Variants in LYN observed in about 807,000 individuals in gnomAD.
The protein encoded by LYN is LYN proto-oncogene, Src family tyrosine kinase.
A neutral mutation model predicts 65.0 loss-of-function variants in LYN; 12 were observed. That is an observed-to-expected ratio of 0.18 (90% CI 0.12 to 0.30). The LOEUF (loss-of-function observed/expected upper bound fraction) is 0.30, where lower values mean the gene tolerates loss of function less well. Ranked by LOEUF, LYN falls within the 10% of genes least tolerant of loss-of-function variation. LYN has a pLI of 1.00. For synonymous variants in LYN, 222 were observed against 221.2 expected, an observed-to-expected ratio of 1.00 and a Z score of -0.03; for missense variants, 380 against 623.2, an observed-to-expected ratio of 0.61 and a Z score of 4.16.
At chr8:55,905,033 C>G (rs959946973) in intron 1 of LYN, among the ~76,000 whole-genome samples, 37 of 152,066 alleles carry the variant, frequency 2.4e-4, no homozygotes, top group Admixed American at 1.2e-3. Context: ...TTTAGAGTTC[C>G]CCAGGTGATT....
At chr8:55,997,999 G>A (rs1808422947) in intron 10 of LYN, among the ~76,000 whole-genome samples, 1 of 152,172 alleles carries the variant, frequency 6.6e-6, no homozygotes, top group African/African-American at 2.4e-5. Flanking sequence ...CAGGAGAATG[G>A]TGTGAACCCA....
At chr8:55,884,583 G>A (rs1389470965) in intron 1 of LYN, among the ~76,000 whole-genome samples, 2 of 151,958 alleles carry the variant, frequency 1.3e-5, no homozygotes, top group East Asian at 3.9e-4. Context: ...AGCCTCCCTA[G>A]TAGCTGTGAT....
At chr8:55,880,158 AG>A in intron 1 of LYN, 55 bp downstream of exon 1, 2 of 198,634 alleles carry the variant, frequency 1.0e-5, no homozygotes, top group South Asian at 5.8e-5. Context: ...CAGTGGGTGC[AG>A]GGGCCGCGGC....
intron 1 of LYN, among the ~76,000 whole-genome samples, chr8:55,886,336 T>C (rs1804793259): frequency 6.6e-6 from 1 of 150,496 alleles, no homozygotes; most frequent in Non-Finnish European, 1.5e-5. Flanking sequence ...TCCTCCCAGG[T>C]TCAAGCGATT....
chr8:55,880,954 T>C (rs1175430107), intron 1 of LYN, among the ~76,000 whole-genome samples: 1 of 152,212 alleles, frequency 6.6e-6, no homozygotes, highest in African/African-American at 2.4e-5. Context: ...CCGAGTGTGT[T>C]AATTATCCCA....
chr8:55,888,508 G>A (rs886538180), intron 1 of LYN, among the ~76,000 whole-genome samples: 3 of 152,238 alleles, frequency 2.0e-5, no homozygotes, highest in Non-Finnish European at 4.4e-5. Flanking sequence ...ATAGCCAAGA[G>A]CGAAGACACG....
At chr8:55,986,435 GA>G (rs1199028293) in intron 10 of LYN, among the ~76,000 whole-genome samples, 2 of 152,186 alleles carry the variant, frequency 1.3e-5, no homozygotes, top group Non-Finnish European at 2.9e-5. Flanking sequence ...GTTTTTGCAA[GA>G]GAAAGTAAAT....
chr8:55,966,174 G>C (rs578139025), intron 8 of LYN, among the ~76,000 whole-genome samples: 1 of 151,782 alleles, frequency 6.6e-6, no homozygotes, highest in Non-Finnish European at 1.5e-5. Context: ...CAATAAAAAC[G>C]TTTTTTTGCT....
chr8:55,984,285 C>G (rs1808012580), intron 10 of LYN, among the ~76,000 whole-genome samples: 1 of 152,192 alleles, frequency 6.6e-6, no homozygotes, highest in African/African-American at 2.4e-5. Flanking sequence ...TAGACTCCGG[C>G]CACTCCGAAG....
intron 2 of LYN, among the ~76,000 whole-genome samples, 153 bp from the exon 3 acceptor site, chr8:55,946,295 T>C (rs767437628): frequency 2.0e-5 from 3 of 152,244 alleles, no homozygotes; most frequent in Non-Finnish European, 4.4e-5. Flanking sequence ...GATGCACCTC[T>C]ACAGGTTTTT....
chr8:55,907,721 C>T (rs1002264932), intron 1 of LYN, among the ~76,000 whole-genome samples: 1 of 152,000 alleles, frequency 6.6e-6, no homozygotes, highest in Non-Finnish European at 1.5e-5. Context: ...AAAAAATTAA[C>T]AGGACGTGGT....
At chr8:55,901,370 T>G (rs980177831) in intron 1 of LYN, among the ~76,000 whole-genome samples, 1 of 152,222 alleles carries the variant, frequency 6.6e-6, no homozygotes, top group South Asian at 2.1e-4. Flanking sequence ...ATGAAGTCAG[T>G]GTAAGTGATG....
chr8:56,011,478 G>GCT lies in LYN; in HGVS notation c.*1369_*1370dup, dbSNP rs1429766835. 3.5e-5 allele frequency: 7 copies of GCT among 201,874 alleles called. No individual in the cohort carries two copies. The highest frequency in any genetic ancestry group is 6.1e-5 in the Non-Finnish European group (6 of 98,324). 12.5% of individuals were successfully genotyped at this position (201,874 alleles called of 1,614,324 possible). On this transcript the variant is annotated 3_prime_UTR_variant, in exon 13 of 13. Transcript: ENST00000519728. ...GGGTGGTTAGAAGTGATTCAACAGA[G>GCT]CTACATGCTTTAAACTTGCCCAAGT...
intron 1 of LYN, among the ~76,000 whole-genome samples, chr8:55,912,554 C>T (rs148251602): frequency 0.038 from 5,757 of 152,022 alleles, 116 homozygotes; most frequent in African/African-American, 0.055. Flanking sequence ...GGCGAAACCC[C>T]GTAGCTACTA....
chr8:55,999,801 G>A (rs554597077), intron 12 of LYN, among the ~76,000 whole-genome samples: 3 of 152,054 alleles, frequency 2.0e-5, no homozygotes, highest in Admixed American at 6.5e-5. Context: ...GAGAAACCCC[G>A]TCTCTACTAA....
intron 10 of LYN, among the ~76,000 whole-genome samples, chr8:55,971,591 T>C (rs1807611170): frequency 6.6e-6 from 1 of 152,252 alleles, no homozygotes; most frequent in Admixed American, 6.5e-5. Flanking sequence ...GGGTCTGATC[T>C]GTACCCACAG....
chr8:55,919,378 A>G (rs1013723966), intron 1 of LYN, among the ~76,000 whole-genome samples: 1 of 152,192 alleles, frequency 6.6e-6, no homozygotes, highest in Non-Finnish European at 1.5e-5. Context: ...AGAATGAGGA[A>G]CATAAATATG....
chr8:55,906,918 T>G (rs1157087450), intron 1 of LYN, among the ~76,000 whole-genome samples: 9 of 152,164 alleles, frequency 5.9e-5, no homozygotes, highest in Non-Finnish European at 1.3e-4. Flanking sequence ...CATGAATGCT[T>G]GCTCAGTGAG....
intron 1 of LYN, among the ~76,000 whole-genome samples, chr8:55,932,405 T>C (rs1806297234): frequency 8.1e-6 from 1 of 122,848 alleles, no homozygotes; most frequent in African/African-American, 3.3e-5. Flanking sequence ...AACAATTATA[T>C]ATATATTTTT....
Sources: gnomAD v4.1 joint callset for allele counts (sites outside exome capture counted in the v4.1 genomes callset) on GRCh38, gnomAD v4.1.1 for gene constraint, MANE v1.5 for transcripts, NCBI Gene and HGNC (gene_info 2026-07-23, HGNC 2026-07-21) for gene names.